SMG6: variants seen among roughly 807,000 people sequenced by gnomAD.
SMG6 encodes the protein SMG6 nonsense mediated mRNA decay factor, also known as telomerase-binding protein EST1A.
In SMG6, 66 loss-of-function variants were observed where a neutral mutation model predicts 142.2. That is an observed-to-expected ratio of 0.46 (90% confidence interval 0.38 to 0.57). The LOEUF (loss-of-function observed/expected upper bound fraction) is 0.57, where lower values mean the gene tolerates loss of function less well. Ranked by LOEUF, SMG6 falls within the 20% of genes least tolerant of loss-of-function variation. The probability of loss-of-function intolerance (pLI) is 0.00; values close to 1 mark genes in which losing one functional copy is unlikely to be tolerated. For synonymous variants in SMG6, 779 were observed against 702.4 expected (o/e 1.11, Z -1.72); for missense variants, 1,793 against 1,832.0 (o/e 0.98, Z 0.39).
intron 13 of SMG6, chr17:2,088,766 C>T: frequency 5.1e-6 from 5 of 985,406 alleles, no homozygotes; most frequent in Non-Finnish European, 6.0e-6. Context: ...ATGTCCAGGG[C>T]TTGCCCAGAG....
intron 13 of SMG6, among the ~76,000 whole-genome samples, chr17:2,130,596 A>C (rs1221241073): frequency 1.3e-5 from 2 of 152,162 alleles, no homozygotes; most frequent in African/African-American, 4.8e-5. Context: ...CCAAATATTC[A>C]GAAGAAAAAT....
intron 15 of SMG6, among the ~76,000 whole-genome samples, chr17:2,075,058 G>T (rs1375160062): frequency 6.6e-6 from 1 of 152,212 alleles, no homozygotes; most frequent in Non-Finnish European, 1.5e-5. Flanking sequence ...AGGCTGATGT[G>T]CTTTCCTGCC....
At chr17:2,200,977 T>C (rs1400906801) in intron 10 of SMG6, among the ~76,000 whole-genome samples, 4 of 152,226 alleles carry the variant, frequency 2.6e-5, no homozygotes, top group Non-Finnish European at 5.9e-5. Flanking sequence ...CTCTGATAAA[T>C]AGCCCCTTTG....
intron 1 of SMG6, among the ~76,000 whole-genome samples, chr17:2,301,859 T>A (rs2151420993): frequency 1.3e-5 from 2 of 152,226 alleles, no homozygotes; most frequent in East Asian, 3.9e-4. Flanking sequence ...TTTAAAAAAG[T>A]ATCTGTTACC....
intron 8 of SMG6, among the ~76,000 whole-genome samples, chr17:2,270,449 A>C (rs2074520879): frequency 6.6e-6 from 1 of 152,026 alleles, no homozygotes; most frequent in African/African-American, 2.4e-5. Flanking sequence ...TCTATGAAAA[A>C]TAAAAAACAT....
chr17:2,299,800 C>T lies in SMG6; in HGVS notation c.953G>A (p.Arg318Lys). The change falls in exon 2 of 19, where the codon AGG (arginine) becomes AAG (lysine). Residue 318 changes from arginine (R) to lysine (K), a missense_variant. By Grantham distance (26) the Arg-to-Lys change is conservative. Coordinates refer to ENST00000263073, the MANE Select transcript of SMG6 (RefSeq NM_017575.5). The surrounding 1 kb of genome is among the most constrained non-coding windows in gnomAD (Gnocchi z 4.3). ...ATGTCTCTTCCTTTCTGAACTTCTC[C>T]TGGGTCCTAATCCATCAGGCTCATC... ...RIDEPDGLGP[R>K]RSSERKRHLE... 1.2e-6 allele frequency: 2 copies of T among 1,614,250 alleles called. No individual in the cohort carries two copies. The highest frequency in any genetic ancestry group is 1.7e-6 in the Non-Finnish European group (2 of 1,180,042).
At chr17:2,175,137 C>A (rs965237636) in intron 12 of SMG6, among the ~76,000 whole-genome samples, 5 of 152,158 alleles carry the variant, frequency 3.3e-5, no homozygotes, top group Non-Finnish European at 5.9e-5. Flanking sequence ...CACTTGAGCC[C>A]GCTGCCTGAG....
At chr17:2,147,152 G>A (rs932582106) in intron 13 of SMG6, among the ~76,000 whole-genome samples, 1 of 152,164 alleles carries the variant, frequency 6.6e-6, no homozygotes, top group African/African-American at 2.4e-5. Flanking sequence ...CAGAACTTTG[G>A]GAGGCCGAGG....
chr17:2,130,511 A>C (rs530115544), intron 13 of SMG6, among the ~76,000 whole-genome samples: 11 of 152,056 alleles, frequency 7.2e-5, no homozygotes, highest in Admixed American at 5.2e-4. Context: ...ACAGAGGACT[A>C]GGAAACAGGG....
chr17:2,242,235 G>A (rs372179103), intron 9 of SMG6, among the ~76,000 whole-genome samples: 6 of 151,998 alleles, frequency 3.9e-5, no homozygotes, highest in East Asian at 3.9e-4. Context: ...TAAATAGGCC[G>A]GGCGCGGTGG....
intron 10 of SMG6, among the ~76,000 whole-genome samples, chr17:2,191,600 G>T (rs183889531): frequency 2.1e-4 from 32 of 152,290 alleles, no homozygotes; most frequent in Admixed American, 1.2e-3. Flanking sequence ...AGGGTTTCGG[G>T]TAAGGGTTTT....
intron 8 of SMG6, among the ~76,000 whole-genome samples, chr17:2,264,817 G>C (rs1163043234): frequency 6.6e-6 from 1 of 151,764 alleles, no homozygotes; most frequent in Admixed American, 6.6e-5. Context: ...GGGGAGGATT[G>C]CTTGAGCCCA....
rs1035772375 is a variant in SMG6 at position 2,280,485 on chromosome 17, G to A, written c.2661+2162C>T. The A allele has an allele frequency of 1.6e-4, 82 of 524,566 alleles. 1 individual carries two copies. The Admixed American group carries it at 3.8e-3, about 24-fold the overall frequency. 32.5% of individuals were successfully genotyped at this position (524,566 alleles called of 1,614,324 possible). ...TCACCATGTTGGCCAGGCTGGTCTCGAACTCCTGACCTTGTGATCTGCTCG... is the reference window on the plus strand; with the variant it reads ...TCACCATGTTGGCCAGGCTGGTCTCAAACTCCTGACCTTGTGATCTGCTCG... On this transcript the variant is annotated intron_variant, in intron 8 of 18. Coordinates refer to ENST00000263073, the MANE Select transcript of SMG6 (RefSeq NM_017575.5).
chr17:2,104,547 T>TG (rs1167752497), intron 13 of SMG6, among the ~76,000 whole-genome samples: 40 of 151,134 alleles, frequency 2.6e-4, no homozygotes, highest in African/African-American at 9.5e-4. Flanking sequence ...TTAAGGGGGT[T>TG]GAAAAAAAAA....
chr17:2,098,127 T>G (rs939500353), intron 13 of SMG6, among the ~76,000 whole-genome samples: 1 of 152,110 alleles, frequency 6.6e-6, no homozygotes, highest in Non-Finnish European at 1.5e-5. Flanking sequence ...GAGCTGGGAC[T>G]ACAAGCACGT....
At chr17:2,170,185 G>A (rs569674465) in intron 13 of SMG6, among the ~76,000 whole-genome samples, 10 of 152,232 alleles carry the variant, frequency 6.6e-5, no homozygotes, top group African/African-American at 2.4e-4. Flanking sequence ...TTGAAGTGGA[G>A]ACCTACCTTA....
At chr17:2,185,106 C>T (rs1346370695) in intron 12 of SMG6, among the ~76,000 whole-genome samples, 1 of 151,254 alleles carries the variant, frequency 6.6e-6, no homozygotes, top group Non-Finnish European at 1.5e-5. Flanking sequence ...CAGACACAAA[C>T]AGGTATAGAC....
At position 2,085,940 on chromosome 17, in the gene SMG6, T is replaced by C. The variant is rs559313052; in HGVS notation, c.3358-39A>G. The C allele has an allele frequency of 6.2e-7, 1 of 1,601,094 alleles. No individual in the cohort carries two copies. The highest frequency in any genetic ancestry group is 2.2e-5 in the East Asian group (1 of 44,788). ...GGGAGAGAAGAAAAACAGCATTTTC[T>C]GAAAGGGAAGATGGAGACGAGATGT... is the stretch of plus-strand genomic sequence containing the variant. On this transcript the variant is annotated intron_variant, in intron 13 of 18. Transcript: ENST00000263073. The surrounding 1 kb of genome is among the most constrained non-coding windows in gnomAD (Gnocchi z 4.1).
chr17:2,282,050 C>CACT (rs2074798891), intron 8 of SMG6, among the ~76,000 whole-genome samples: 2 of 152,178 alleles, frequency 1.3e-5, no homozygotes, highest in South Asian at 4.1e-4. Context: ...TTGCGTCCTC[C>CACT]ACTAGAATGC....
Sources: gnomAD v4.1 joint callset for allele counts (sites outside exome capture counted in the v4.1 genomes callset) on GRCh38, gnomAD v4.1.1 for gene constraint, Gnocchi (gnomAD v3.1) non-coding constraint, MANE v1.5 for transcripts, NCBI Gene and HGNC (gene_info 2026-07-23, HGNC 2026-07-21) for gene names.